The following FNIP2 variants were observed in gnomAD, a reference collection of about 807,000 sequenced individuals.
FNIP2 encodes the protein folliculin-interacting protein 2.
A neutral mutation model predicts 108.7 loss-of-function variants in FNIP2; 32 were observed. The ratio of observed to expected loss-of-function variants is 0.29; its 90% confidence interval spans 0.22 to 0.40. FNIP2 has a LOEUF of 0.40. FNIP2 is among the 10% of genes least tolerant of loss of function. The pLI is 1.00. For missense variants in FNIP2, 1,202 were observed against 1,381.6 expected (o/e 0.87, Z 2.06); for synonymous variants, 480 against 496.7 (o/e 0.97, Z 0.45).
At chr4:158,773,360 C>A (rs971503641) in intron 1 of FNIP2, among the ~76,000 whole-genome samples, 4 of 152,222 alleles carry the variant, frequency 2.6e-5, no homozygotes, top group South Asian at 4.1e-4. Flanking sequence ...GCAGTGAGTT[C>A]TATTAAGAGC....
Position 158,833,627 on chromosome 4 carries a change from A to G in FNIP2, c.654A>G (p.Leu218=), listed in dbSNP as rs1207641932. 2.5e-6 allele frequency: 4 copies of G among 1,606,316 alleles called. No individual in the cohort carries two copies. Among genetic ancestry groups the G allele is most frequent in the Admixed American group, 1.7e-5 (1 of 59,986 alleles). The change falls in exon 6 of 17, where the codon CTA becomes CTG. Residue 218 remains leucine (L), a splice_region_variant and synonymous_variant. Transcript: ENST00000264433. ...SLGPCRTGSN[L]AHSTPVDMPS... The stretch of plus-strand genomic sequence containing the variant: ...GTCCTTGTCGTACTGGAAGTAACCT[A>G]GGTAAAATCAGAGATACAAACAAAT...
intron 5 of FNIP2, 95 bp from the exon 6 acceptor site, chr4:158,833,433 G>A (rs528755884): frequency 1.8e-5 from 13 of 711,916 alleles, no homozygotes; most frequent in South Asian, 3.7e-5. Flanking sequence ...CTGATCAGTC[G>A]TTGTCTATAT....
At chr4:158,805,766 GCA>G (rs1311943090) in intron 1 of FNIP2, among the ~76,000 whole-genome samples, 3 of 152,218 alleles carry the variant, frequency 2.0e-5, no homozygotes, top group Non-Finnish European at 4.4e-5. Flanking sequence ...GCAAGTCACT[GCA>G]TTGCCCAGAG....
chr4:158,805,186 C>G (rs1776902195), intron 1 of FNIP2, among the ~76,000 whole-genome samples: 1 of 152,148 alleles, frequency 6.6e-6, no homozygotes, highest in Non-Finnish European at 1.5e-5. Context: ...AAGGACCAGA[C>G]AAGAGTTCAT....
intron 1 of FNIP2, among the ~76,000 whole-genome samples, chr4:158,797,734 C>T (rs1197880550): frequency 6.6e-6 from 1 of 152,116 alleles, no homozygotes; most frequent in Non-Finnish European, 1.5e-5. Context: ...ACCCCAAATC[C>T]ACCAGGCTTC....
intron 16 of FNIP2, among the ~76,000 whole-genome samples, chr4:158,898,576 A>G (rs1395166306): frequency 6.6e-6 from 1 of 152,164 alleles, no homozygotes; most frequent in Non-Finnish European, 1.5e-5. Context: ...TTATATTACT[A>G]GGTATTTTAT....
At chr4:158,843,411 A>G (rs932938014) in intron 7 of FNIP2, among the ~76,000 whole-genome samples, 1 of 152,226 alleles carries the variant, frequency 6.6e-6, no homozygotes, top group African/African-American at 2.4e-5. Flanking sequence ...TTCATCCAGC[A>G]GCGTTTCTTG....
chr4:158,872,676 A>C, intron 14 of FNIP2: 1 of 984,752 alleles, frequency 1.0e-6, no homozygotes, highest in Non-Finnish European at 1.2e-6. Context: ...ATTCATCATA[A>C]TGAATTTTGC....
Position 158,779,598 on chromosome 4 carries a change from TCTCA to T in FNIP2, c.107+10283_107+10286del, listed in dbSNP as rs1454218268. On this transcript the variant is annotated intron_variant, in intron 1 of 16. Transcript: ENST00000264433. The stretch of plus-strand genomic sequence containing the variant: ...TTTTTTTTTTTTTTTTGAGATAGAG[TCTCA>T]CTCTGTCACCCAGGCTGGAAGCAGT... 2.1e-5 allele frequency among the ~76,000 whole-genome samples: 3 copies of T among 142,176 alleles called. No homozygotes were observed. The Admixed American group carries it at 2.2e-4, about 10-fold the overall frequency. The allele number at this position is 142,176 out of a possible 152,430, so 93.3% of individuals were successfully genotyped here.
chr4:158,881,002 A>G (rs1781557655), intron 14 of FNIP2, among the ~76,000 whole-genome samples: 1 of 152,220 alleles, frequency 6.6e-6, no homozygotes, highest in Non-Finnish European at 1.5e-5. Flanking sequence ...ACAGCTACAT[A>G]AAAGCTAATA....
Position 158,906,335 on chromosome 4 carries a change from G to C in FNIP2, c.*1791G>C, listed in dbSNP as rs141713525. 1.3e-5 allele frequency: 2 copies of C among 152,158 alleles called. No individual in the cohort carries two copies. Among genetic ancestry groups the C allele is most frequent in the African/African-American group, 4.8e-5 (2 of 41,516 alleles). 9.4% of individuals were successfully genotyped at this position (152,158 alleles called of 1,614,324 possible). A position where few individuals can be genotyped will look rare whatever the true frequency, so the allele number is the denominator to read the frequency against. On this transcript the variant is annotated 3_prime_UTR_variant, in exon 17 of 17. Transcript: ENST00000264433. ...TTTTACAGTTTAAAGCATTCCCCTC[G>C]TCTCTAGTTCCTTTTTTCTTGTTTA... is the stretch of plus-strand genomic sequence containing the variant.
At chr4:158,802,495 G>C (rs1560762788) in intron 1 of FNIP2, among the ~76,000 whole-genome samples, 1 of 152,048 alleles carries the variant, frequency 6.6e-6, no homozygotes, top group African/African-American at 2.4e-5. Context: ...TTAAGTCTTA[G>C]ATTTTTCTCC....
chr4:158,791,437 C>T (rs1776417072), intron 1 of FNIP2, among the ~76,000 whole-genome samples: 1 of 151,970 alleles, frequency 6.6e-6, no homozygotes, highest in Non-Finnish European at 1.5e-5. Flanking sequence ...GCACCTGCCA[C>T]CATGCCCGGG....
intron 7 of FNIP2, among the ~76,000 whole-genome samples, chr4:158,839,831 A>G (rs12504683): frequency 0.98 from 149,945 of 152,254 alleles, 73,870 homozygotes; most frequent in East Asian, 1. Context: ...GAGTCATCTT[A>G]TGTATTTCCT....
chr4:158,861,238 G>T, intron 10 of FNIP2, 104 bp from the exon 11 acceptor site: 1 of 1,293,072 alleles, frequency 7.7e-7, no homozygotes, highest in Non-Finnish European at 1.0e-6. Flanking sequence ...ATCTTTTAAG[G>T]ACTACATAGA....
At chr4:158,872,554 T>C in intron 14 of FNIP2, 1 of 985,388 alleles carries the variant, frequency 1.0e-6, no homozygotes, top group African/African-American at 1.7e-5. Context: ...AGTGCAGCCA[T>C]GCGTGGGTGT....
At chr4:158,822,803 G>A (rs1242055988) in intron 1 of FNIP2, among the ~76,000 whole-genome samples, 9 of 152,130 alleles carry the variant, frequency 5.9e-5, no homozygotes, top group African/African-American at 9.7e-5. Flanking sequence ...TCCATCACTC[G>A]TATCTTATAA....
rs769165542 is a variant in FNIP2 at position 158,869,004 on chromosome 4, G to A, written c.2368G>A (p.Glu790Lys). Residue 790 changes from glutamate to lysine, a missense_variant, in exon 13 of 17, where the codon GAG (glutamate) becomes AAG (lysine). Transcript: ENST00000264433. ...QNRLSEGDEGESDKGFAEDRG... is the reference protein window; with the variant it reads ...QNRLSEGDEGKSDKGFAEDRG... Reference sequence around the variant, plus strand: ...TCGGCTTTCAGAGGGGGATGAAGGCGAGTCTGACAAGGGTTTTGCAGAGGA... The same window carrying A: ...TCGGCTTTCAGAGGGGGATGAAGGCAAGTCTGACAAGGGTTTTGCAGAGGA... The A allele has an allele frequency of 6.2e-6, 10 of 1,613,964 alleles. No individual in the cohort carries two copies. The highest frequency in any genetic ancestry group is 1.7e-5 in the Admixed American group (1 of 60,030).
intron 14 of FNIP2, among the ~76,000 whole-genome samples, chr4:158,885,164 T>C (rs907876474): frequency 6.6e-6 from 1 of 151,452 alleles, no homozygotes. Context: ...TCAAAAAAAA[T>C]AAAAAAATCA....
Sources: allele counts gnomAD v4.1 joint callset (sites outside exome capture counted in the v4.1 genomes callset), GRCh38; gene constraint gnomAD v4.1.1; transcripts MANE v1.5; gene names NCBI Gene and HGNC (gene_info 2026-07-23, HGNC 2026-07-21).